Variants in SORCS2 observed in about 807,000 individuals in gnomAD.
The protein encoded by SORCS2 is sortilin related VPS10 domain containing receptor 2.
Under a neutral mutation model 141.6 loss-of-function variants are expected in SORCS2, and 100 were observed. The observed-to-expected ratio is 0.71, with a 90% CI of 0.60 to 0.83. SORCS2 has a LOEUF of 0.83. Among genes scored for constraint, SORCS2 ranks in the 40% least tolerant of loss-of-function variants. SORCS2 has a pLI of 0.00. For missense variants in SORCS2, 1,646 were observed against 1,560.2 expected, an observed-to-expected ratio of 1.05 and a Z score of -0.93; for synonymous variants, 789 against 676.9, an observed-to-expected ratio of 1.17 and a Z score of -2.57.
intron 1 of SORCS2, among the ~76,000 whole-genome samples, chr4:7,344,379 C>T (rs545711351): frequency 2.8e-4 from 42 of 152,308 alleles, no homozygotes; most frequent in East Asian, 7.7e-4. Flanking sequence ...GGAAACCAGG[C>T]GCCCTGCCTA....
At chr4:7,351,120 A>G (rs1438850096) in intron 1 of SORCS2, among the ~76,000 whole-genome samples, 1 of 151,914 alleles carries the variant, frequency 6.6e-6, no homozygotes, top group African/African-American at 2.4e-5. Context: ...ACGCCCCCCC[A>G]CTTAGCCCCT....
chr4:7,392,198 G>T (rs950747347), intron 1 of SORCS2, among the ~76,000 whole-genome samples: 2 of 152,230 alleles, frequency 1.3e-5, no homozygotes, highest in Admixed American at 6.5e-5. Context: ...GCTAAGGAAG[G>T]TGAAGCCTTG....
At chr4:7,259,009 G>A (rs1341749676) in intron 1 of SORCS2, among the ~76,000 whole-genome samples, 1 of 152,054 alleles carries the variant, frequency 6.6e-6, no homozygotes, top group African/African-American at 2.4e-5. Context: ...TAAGTTCTTT[G>A]TAGATTCTGG....
At chr4:7,216,720 C>T (rs1189874021) in intron 1 of SORCS2, among the ~76,000 whole-genome samples, 5 of 152,148 alleles carry the variant, frequency 3.3e-5, no homozygotes, top group African/African-American at 1.2e-4. Context: ...GGCCACCAGA[C>T]AATACAGGCT....
At chr4:7,457,091 T>C (rs904380031) in intron 2 of SORCS2, among the ~76,000 whole-genome samples, 1 of 152,030 alleles carries the variant, frequency 6.6e-6, no homozygotes, top group African/African-American at 2.4e-5. Flanking sequence ...CAGCACACAG[T>C]AGGTGTCAAA....
intron 18 of SORCS2, among the ~76,000 whole-genome samples, chr4:7,721,127 C>T (rs1369002662): frequency 2.0e-5 from 3 of 152,244 alleles, no homozygotes; most frequent in African/African-American, 7.2e-5. Context: ...GGGGTGCCCC[C>T]ATGCTGAGAT....
chr4:7,612,433 G>A (rs534900495), intron 3 of SORCS2, among the ~76,000 whole-genome samples: 93 of 152,208 alleles, frequency 6.1e-4, no homozygotes, highest in African/African-American at 2.1e-3. Context: ...GATGGGGGTC[G>A]GGGGTCTGGG....
chr4:7,717,867 G>T, intron 17 of SORCS2, 145 bp from the exon 18 acceptor site: 1 of 765,642 alleles, frequency 1.3e-6, no homozygotes. Context: ...GGAGTCAGGA[G>T]GTGACTGGGA....
At chr4:7,503,692 A>C (rs1732108907) in intron 2 of SORCS2, among the ~76,000 whole-genome samples, 1 of 152,200 alleles carries the variant, frequency 6.6e-6, no homozygotes, top group Non-Finnish European at 1.5e-5. Flanking sequence ...AGAAACAGAC[A>C]TGCAGATGCT....
At chr4:7,529,957 T>G (rs1454893051) in intron 2 of SORCS2, among the ~76,000 whole-genome samples, 1 of 152,082 alleles carries the variant, frequency 6.6e-6, no homozygotes, top group African/African-American at 2.4e-5. Context: ...GTTAGAGGGC[T>G]GGGGGTTGGG....
intron 3 of SORCS2, among the ~76,000 whole-genome samples, chr4:7,579,921 C>T (rs142214706): frequency 1.3e-5 from 2 of 152,174 alleles, no homozygotes; most frequent in Non-Finnish European, 2.9e-5. Context: ...TAAGAGCTGG[C>T]ATGATGTGTT....
chr4:7,629,767 T>C (rs1719761566), intron 3 of SORCS2, among the ~76,000 whole-genome samples: 1 of 151,498 alleles, frequency 6.6e-6, no homozygotes, highest in South Asian at 2.1e-4. Flanking sequence ...AACCCCACCC[T>C]CCCTCTACTT....
intron 4 of SORCS2, among the ~76,000 whole-genome samples, chr4:7,641,663 G>A (rs1046532283): frequency 5.3e-5 from 8 of 151,776 alleles, no homozygotes; most frequent in African/African-American, 1.9e-4. Flanking sequence ...GTGCCCGGCT[G>A]AAAATATTAG....
chr4:7,561,657 C>T (rs1247323532), intron 3 of SORCS2, among the ~76,000 whole-genome samples: 2 of 151,944 alleles, frequency 1.3e-5, no homozygotes, highest in African/African-American at 4.8e-5. Flanking sequence ...TCCGTCTACC[C>T]ATTCATCCAT....
intron 1 of SORCS2, among the ~76,000 whole-genome samples, chr4:7,237,829 T>G (rs1332957185): frequency 6.6e-6 from 1 of 151,924 alleles, no homozygotes; most frequent in Admixed American, 6.6e-5. Context: ...TCCTTCTGCT[T>G]GACATACTCT....
chr4:7,463,499 G>T (rs1247209377), intron 2 of SORCS2, among the ~76,000 whole-genome samples: 2 of 152,114 alleles, frequency 1.3e-5, no homozygotes, highest in Non-Finnish European at 2.9e-5. Context: ...AAAATCCCTG[G>T]GGGTGGGGGC....
At chr4:7,289,147 C>A (rs1474655049) in intron 1 of SORCS2, among the ~76,000 whole-genome samples, 1 of 152,172 alleles carries the variant, frequency 6.6e-6, no homozygotes. Flanking sequence ...TCCAGGGAGC[C>A]CAGATACAGT....
At position 7,666,555 on chromosome 4, in the gene SORCS2, G is replaced by A. The variant is rs138889600; in HGVS notation, c.1072-569G>A. Among the ~76,000 whole-genome samples the A allele has an allele frequency of 4.5e-3, 686 of 152,246 alleles. 8 individuals are homozygous for A. The highest frequency in any genetic ancestry group is 0.016 in the African/African-American group (662 of 41,550). Reference sequence around the variant, plus strand: ...CCCACCTCACCACCAACAAGGTGGCGGTGCTGGTGGCTCAGGAAGCTGCAC... The same window carrying A: ...CCCACCTCACCACCAACAAGGTGGCAGTGCTGGTGGCTCAGGAAGCTGCAC... On this transcript the variant is annotated intron_variant, in intron 7 of 26. Transcript: ENST00000507866.
intron 1 of SORCS2, among the ~76,000 whole-genome samples, chr4:7,320,447 C>T (rs1718826899): frequency 6.6e-6 from 1 of 152,236 alleles, no homozygotes. Flanking sequence ...GGTTTTCTTA[C>T]ATCCACCTGG....
Sources: gnomAD v4.1 joint callset for allele counts (sites outside exome capture counted in the v4.1 genomes callset) on GRCh38, gnomAD v4.1.1 for gene constraint, MANE v1.5 for transcripts, NCBI Gene and HGNC (gene_info 2026-07-23, HGNC 2026-07-21) for gene names.